SOX5: variants seen among roughly 807,000 people sequenced by gnomAD.
The protein encoded by SOX5 is SRY-box transcription factor 5.
In SOX5, 9 loss-of-function variants were observed where a neutral mutation model predicts 92.0. That is an observed-to-expected ratio of 0.10 (90% CI 0.06 to 0.17). SOX5 has a LOEUF of 0.17. SOX5 is among the 10% of genes least tolerant of loss of function. The probability of loss-of-function intolerance (pLI) is 1.00; values close to 1 mark genes in which losing one functional copy is unlikely to be tolerated. For missense variants in SOX5, 642 were observed against 944.5 expected, an observed-to-expected ratio of 0.68 and a Z score of 4.20; for synonymous variants, 344 against 336.3, an observed-to-expected ratio of 1.02 and a Z score of -0.25.
rs574153670 is a variant in SOX5, at chr12:23,746,625, G to A, written c.569-5586C>T. 7.9e-5 allele frequency among the ~76,000 whole-genome samples: 12 copies of A among 152,242 alleles called. No individual in the cohort carries two copies. In the East Asian group the frequency reaches 2.1e-3, roughly 27 times the overall value. On this transcript the variant is annotated intron_variant, in intron 4 of 14. Coordinates refer to ENST00000451604, the MANE Select transcript of SOX5 (RefSeq NM_006940.6). ...GTCTTCTTCCTGCCTAAAAACTGCA[G>A]GCATAGCAGTCATTTATACTTCTGT...
chr12:23,788,262 G>T (rs1360701403), intron 3 of SOX5, among the ~76,000 whole-genome samples: 1 of 151,934 alleles, frequency 6.6e-6, no homozygotes, highest in Admixed American at 6.6e-5. Context: ...GTAAACCTAA[G>T]GTTTAGTACA....
At chr12:24,442,282 T>C (rs139533774) in intron 1 of SOX5, among the ~76,000 whole-genome samples, 1 of 152,360 alleles carries the variant, frequency 6.6e-6, no homozygotes, top group East Asian at 1.9e-4. Context: ...CCTCTTATCT[T>C]ATTTGCACTC....
chr12:24,131,107 CTGAGT>C (rs1048377408), intron 4 of SOX5, among the ~76,000 whole-genome samples: 1 of 152,186 alleles, frequency 6.6e-6, no homozygotes, highest in African/African-American at 2.4e-5. Context: ...CCTACTTCCT[CTGAGT>C]TATTTTTTGC....
Position 24,242,801 on chromosome 12 carries a change from G to A in SOX5, c.-76-29384C>T, listed in dbSNP as rs577283017. ...TTGTACACTTTCTGAGGGCAATTTG[G>A]CAAAATGGGTGAATATTTTAACTGT... On this transcript the variant is annotated intron_variant, in intron 3 of 4. Coordinates refer to the SOX5 transcript ENST00000446891. Among the ~76,000 whole-genome samples, 275 of 152,184 alleles carry A rather than the reference G, an allele frequency of 1.8e-3. 1 individual carries two copies. The highest frequency in any genetic ancestry group is 3.3e-3 in the Non-Finnish European group (226 of 68,006).
intron 2 of SOX5, among the ~76,000 whole-genome samples, chr12:23,857,554 A>T (rs1381172999): frequency 1.3e-5 from 2 of 152,164 alleles, no homozygotes; most frequent in African/African-American, 2.4e-5. Flanking sequence ...TTTTGTTCAC[A>T]TTCCAGAGTA....
At chr12:24,103,506 C>T (rs528458630) in intron 4 of SOX5, among the ~76,000 whole-genome samples, 1 of 152,244 alleles carries the variant, frequency 6.6e-6, no homozygotes, top group South Asian at 2.1e-4. Flanking sequence ...AGCCATATGC[C>T]ACCATGGCCA....
chr12:23,784,548 G>C (rs867782070), intron 3 of SOX5, among the ~76,000 whole-genome samples: 2 of 152,078 alleles, frequency 1.3e-5, no homozygotes, highest in African/African-American at 4.8e-5. Context: ...GGATGGTCTC[G>C]ATCTCTTGAC....
intron 1 of SOX5, among the ~76,000 whole-genome samples, chr12:23,943,062 T>TA (rs1943951095): frequency 6.6e-6 from 1 of 152,046 alleles, no homozygotes; most frequent in Non-Finnish European, 1.5e-5. Context: ...GTAGCCAAAT[T>TA]ATTTTTGTCC....
intron 1 of SOX5, among the ~76,000 whole-genome samples, chr12:24,467,551 C>T (rs546601276): frequency 6.6e-6 from 1 of 152,180 alleles, no homozygotes; most frequent in Non-Finnish European, 1.5e-5. Flanking sequence ...CGTGCAGGAA[C>T]CACAAATAAT....
intron 2 of SOX5, among the ~76,000 whole-genome samples, chr12:24,304,994 T>C (rs1387926339): frequency 6.6e-6 from 1 of 152,072 alleles, no homozygotes; most frequent in Non-Finnish European, 1.5e-5. Context: ...TCCCCCTCAA[T>C]CAATGCCTTG....
At chr12:24,420,737 C>A (rs1446631589) in intron 1 of SOX5, among the ~76,000 whole-genome samples, 1 of 151,982 alleles carries the variant, frequency 6.6e-6, no homozygotes, top group Non-Finnish European at 1.5e-5. Flanking sequence ...TACTTTGCAA[C>A]CCCTAATAAA....
chr12:23,555,345 A>T (rs1944974262), intron 11 of SOX5, among the ~76,000 whole-genome samples: 1 of 152,120 alleles, frequency 6.6e-6, no homozygotes, highest in South Asian at 2.1e-4. Flanking sequence ...CCAATTTGGC[A>T]TGCCCTATGA....
chr12:24,515,981 A>G (rs1397160183), intron 1 of SOX5, among the ~76,000 whole-genome samples: 2 of 151,758 alleles, frequency 1.3e-5, no homozygotes, highest in African/African-American at 4.8e-5. Context: ...TTTACCTTAT[A>G]ATTTGGAACA....
intron 8 of SOX5, among the ~76,000 whole-genome samples, chr12:23,622,540 TGAA>T (rs1369300072): frequency 2.2e-4 from 34 of 151,914 alleles, no homozygotes; most frequent in Non-Finnish European, 7.4e-5. Context: ...TTTTTTAAAA[TGAA>T]GAAAAATCCA....
At chr12:23,715,051 T>A (rs1471133617) in intron 6 of SOX5, among the ~76,000 whole-genome samples, 2 of 151,928 alleles carry the variant, frequency 1.3e-5, no homozygotes, top group Non-Finnish European at 2.9e-5. Flanking sequence ...AAAAAATGCA[T>A]CCTTTTGGGA....
Position 23,659,979 on chromosome 12 carries a change from G to A in SOX5, c.931+5465C>T, listed in dbSNP as rs114985495. On this transcript the variant is annotated intron_variant, in intron 7 of 14. Transcript: ENST00000451604. ...CCTCCAAAAAATGAAAAAAAGAAAAGAAAAAGTTTAAAACTTGGTGATTAT... is the reference window on the plus strand; with the variant it reads ...CCTCCAAAAAATGAAAAAAAGAAAAAAAAAAGTTTAAAACTTGGTGATTAT... Among the ~76,000 whole-genome samples the A allele has an allele frequency of 2.2e-3, 333 of 152,122 alleles. 1 individual carries two copies. Among genetic ancestry groups the A allele is most frequent in the African/African-American group, 7.7e-3 (319 of 41,538 alleles).
chr12:24,049,638 GTTTTTTTTTTTTTTTTTTTTTTT>G (rs527647441), intron 4 of SOX5, among the ~76,000 whole-genome samples: 2 of 73,748 alleles, frequency 2.7e-5, no homozygotes, highest in Non-Finnish European at 2.4e-5. Context: ...ATCCTTCATA[GTTTTTTTTTTTTTTTTTTTTTTT>G]TTTTTTTTTT....
At chr12:24,196,599 T>C (rs1183424605) in intron 4 of SOX5, among the ~76,000 whole-genome samples, 1 of 152,134 alleles carries the variant, frequency 6.6e-6, no homozygotes, top group Non-Finnish European at 1.5e-5. Context: ...AAAGTACCTC[T>C]CTTGTTTATA....
intron 1 of SOX5, among the ~76,000 whole-genome samples, chr12:24,411,434 T>G (rs1455598330): frequency 6.6e-6 from 1 of 152,206 alleles, no homozygotes; most frequent in East Asian, 1.9e-4. Context: ...AAGTATAATG[T>G]TAGCTGTAGA....
Sources: allele counts gnomAD v4.1 joint callset (sites outside exome capture counted in the v4.1 genomes callset), GRCh38; gene constraint gnomAD v4.1.1; transcripts MANE v1.5; gene names NCBI Gene and HGNC (gene_info 2026-07-23, HGNC 2026-07-21).